Variants in PALM2AKAP2 observed in about 807,000 individuals in gnomAD.
PALM2AKAP2 encodes PALM2-AKAP2 fusion protein.
In PALM2AKAP2, 37 loss-of-function variants were observed where a neutral mutation model predicts 71.5. The observed-to-expected ratio is 0.52, with a 90% CI of 0.40 to 0.68. The LOEUF (loss-of-function observed/expected upper bound fraction) is 0.68. Ranked by LOEUF, PALM2AKAP2 falls within the 30% of genes least tolerant of loss-of-function variation. PALM2AKAP2 has a pLI of 0.00. For synonymous variants in PALM2AKAP2, 468 were observed against 478.8 expected (o/e 0.98, Z 0.29); for missense variants, 1,224 against 1,191.8 (o/e 1.03, Z -0.40).
chr9:109,711,335 C>T (rs1006872789), intron 1 of PALM2AKAP2, among the ~76,000 whole-genome samples: 4 of 152,120 alleles, frequency 2.6e-5, no homozygotes, highest in African/African-American at 9.7e-5. Context: ...TATTAATATG[C>T]ACTACTGAGA....
chr9:109,651,920 C>A (rs1172802896), intron 1 of PALM2AKAP2, among the ~76,000 whole-genome samples: 6 of 151,990 alleles, frequency 3.9e-5, no homozygotes, highest in Non-Finnish European at 8.8e-5. Context: ...AAGGAACATT[C>A]CTGGTCGAAA....
chr9:110,168,408 G>A lies in PALM2AKAP2; in HGVS notation c.2758G>A (p.Ala920Thr), dbSNP rs1400499476. 5 of 1,613,984 alleles carry A rather than the reference G, an allele frequency of 3.1e-6. No homozygotes were observed. The South Asian group carries it at 4.4e-5, about 14-fold the overall frequency. Residue 920 changes from alanine (A) to threonine (T), a missense_variant, in exon 4 of 4, where the codon GCC becomes ACC. Ala to Thr is a moderately conservative substitution (Grantham distance 58). Coordinates refer to ENST00000374525, the Ensembl canonical transcript of PALM2AKAP2. ...TCCCCTCTCTTTACAGGTCCTCGAG[G>A]CCACACGGGTTAATCGAAGAAAGAG...
intron 1 of PALM2AKAP2, among the ~76,000 whole-genome samples, chr9:109,771,238 C>T (rs1364443902): frequency 6.6e-6 from 1 of 152,126 alleles, no homozygotes; most frequent in Non-Finnish European, 1.5e-5. Context: ...TTTTCCTTCC[C>T]AAAGGGACTG....
intron 6 of PALM2AKAP2, among the ~76,000 whole-genome samples, chr9:110,004,106 T>C (rs1832732004): frequency 6.6e-6 from 1 of 152,222 alleles, no homozygotes; most frequent in East Asian, 1.9e-4. Context: ...CGTTAGTTGA[T>C]GCAATTTCTT....
intron 1 of PALM2AKAP2, among the ~76,000 whole-genome samples, chr9:110,082,924 C>T (rs1436579601): frequency 6.6e-6 from 1 of 152,086 alleles, no homozygotes; most frequent in African/African-American, 2.4e-5. Flanking sequence ...GGCGGATCAC[C>T]TGAGGTCGGG....
At chr9:110,067,830 A>T (rs977666026) in intron 1 of PALM2AKAP2, among the ~76,000 whole-genome samples, 1 of 152,236 alleles carries the variant, frequency 6.6e-6, no homozygotes, top group Non-Finnish European at 1.5e-5. Context: ...CAATTGCTTA[A>T]TCTGCTGAAG....
chr9:109,709,783 C>T lies in PALM2AKAP2; in HGVS notation c.5+68917C>T, dbSNP rs1828204097. ...CAGGTCCCTGTGCTAAAGAGGAAAG[C>T]ACATCCACAGTTAAAAAAAGCTGCT... On this transcript the variant is annotated intron_variant, in intron 1 of 6. Coordinates refer to the PALM2AKAP2 transcript ENST00000374531. Among the ~76,000 whole-genome samples the T allele has an allele frequency of 4.6e-5, 7 of 152,170 alleles. No homozygotes were observed. In the South Asian group the frequency reaches 1.4e-3, roughly 32 times the overall value.
chr9:109,944,279 T>C (rs186426380), intron 6 of PALM2AKAP2: 237 of 152,350 alleles, frequency 1.6e-3, no homozygotes, highest in African/African-American at 5.6e-3. Flanking sequence ...TAAATTTTTA[T>C]ATTGTTTCTT....
At chr9:109,923,314 C>G (rs1208904852) in intron 3 of PALM2AKAP2, among the ~76,000 whole-genome samples, 1 of 152,170 alleles carries the variant, frequency 6.6e-6, no homozygotes, top group Admixed American at 6.5e-5. Flanking sequence ...TTCCTTTGAG[C>G]AAGAATGGCC....
intron 1 of PALM2AKAP2, among the ~76,000 whole-genome samples, chr9:110,109,603 G>A (rs555592276): frequency 9.9e-4 from 151 of 152,136 alleles, no homozygotes; most frequent in Non-Finnish European, 1.4e-3. Flanking sequence ...CTAGAACTAC[G>A]TGCAAGGGGT....
At chr9:109,792,151 G>A (rs1180504054) in intron 1 of PALM2AKAP2, among the ~76,000 whole-genome samples, 3 of 152,156 alleles carry the variant, frequency 2.0e-5, no homozygotes, top group Non-Finnish European at 4.4e-5. Context: ...GAAAACCATA[G>A]TCTTGGGTCA....
intron 5 of PALM2AKAP2, 127 bp downstream of exon 5, chr9:109,925,209 G>T: frequency 6.9e-7 from 1 of 1,444,924 alleles, no homozygotes; most frequent in Non-Finnish European, 9.6e-7. Context: ...AAGTAGCAGC[G>T]CTGGTTGCAG....
At chr9:109,692,065 A>T (rs1827905565) in intron 1 of PALM2AKAP2, among the ~76,000 whole-genome samples, 1 of 149,260 alleles carries the variant, frequency 6.7e-6, no homozygotes, top group South Asian at 2.1e-4. Context: ...AAGTATTTAA[A>T]TTTTTTTAAA....
intron 1 of PALM2AKAP2, among the ~76,000 whole-genome samples, chr9:109,842,318 A>T (rs1165893639): frequency 1.3e-5 from 2 of 152,226 alleles, no homozygotes; most frequent in Non-Finnish European, 2.9e-5. Flanking sequence ...ATGGACCATG[A>T]CATCCACAAT....
chr9:109,934,221 C>G (rs529928492), intron 6 of PALM2AKAP2, among the ~76,000 whole-genome samples: 2 of 152,294 alleles, frequency 1.3e-5, no homozygotes, highest in East Asian at 3.9e-4. Flanking sequence ...TGGTCACACA[C>G]CTCTGTGATT....
intron 1 of PALM2AKAP2, among the ~76,000 whole-genome samples, chr9:109,737,818 A>T (rs914496909): frequency 2.0e-5 from 3 of 152,244 alleles, no homozygotes; most frequent in Non-Finnish European, 4.4e-5. Flanking sequence ...CTGTTCAAAC[A>T]TTATTACTAA....
At chr9:109,966,324 G>T (rs1216707171) in intron 6 of PALM2AKAP2, among the ~76,000 whole-genome samples, 1 of 152,208 alleles carries the variant, frequency 6.6e-6, no homozygotes, top group African/African-American at 2.4e-5. Flanking sequence ...TTTCAGAAGA[G>T]CCTTGATAGA....
intron 1 of PALM2AKAP2, among the ~76,000 whole-genome samples, chr9:109,665,238 C>T (rs577508158): frequency 6.6e-6 from 1 of 152,162 alleles, no homozygotes; most frequent in African/African-American, 2.4e-5. Flanking sequence ...CTGGCAAGTA[C>T]CCGCGCTCCT....
chr9:110,049,034 G>A (rs532134605), intron 1 of PALM2AKAP2, among the ~76,000 whole-genome samples: 10 of 152,218 alleles, frequency 6.6e-5, no homozygotes, highest in Non-Finnish European at 1.3e-4. Flanking sequence ...GAGAGGGCCC[G>A]GGTGGAGGGG....
Sources: gnomAD v4.1 joint callset for allele counts (sites outside exome capture counted in the v4.1 genomes callset) on GRCh38, gnomAD v4.1.1 for gene constraint, MANE v1.5 for transcripts, NCBI Gene and HGNC (gene_info 2026-07-23, HGNC 2026-07-21) for gene names.